LHFPL6: variants seen among roughly 807,000 people sequenced by gnomAD.
The protein encoded by LHFPL6 is LHFPL tetraspan subfamily member 6 protein.
A neutral mutation model predicts 20.6 loss-of-function variants in LHFPL6; 9 were observed. That is an observed-to-expected ratio of 0.44 (90% CI 0.26 to 0.76). LHFPL6 has a LOEUF of 0.76. Among genes scored for constraint, LHFPL6 ranks in the 30% least tolerant of loss-of-function variants. The pLI, the probability that LHFPL6 is intolerant of heterozygous loss-of-function variation, is 0.20. For missense variants in LHFPL6, 218 were observed against 253.5 expected (o/e 0.86, Z 0.95); for synonymous variants, 105 against 98.7 (o/e 1.06, Z -0.38).
chr13:39,465,415 C>A lies in LHFPL6; in HGVS notation c.386-86889G>T, dbSNP rs80272767. 2.9e-3 allele frequency among the ~76,000 whole-genome samples: 441 copies of A among 152,276 alleles called. 4 individuals are homozygous for A. Among genetic ancestry groups the A allele is most frequent in the Non-Finnish European group, 4.4e-3 (296 of 68,018 alleles). On this transcript the variant is annotated intron_variant, in intron 2 of 3. Coordinates refer to ENST00000379589, the MANE Select transcript of LHFPL6 (RefSeq NM_005780.3). ...CTGTCTCTGTGACCTCCAAATAACTCATTCCCCTAATTTAGGAACTACTTT... is the reference window on the plus strand; with the variant it reads ...CTGTCTCTGTGACCTCCAAATAACTAATTCCCCTAATTTAGGAACTACTTT...
intron 2 of LHFPL6, among the ~76,000 whole-genome samples, chr13:39,425,330 G>C (rs1871610359): frequency 6.6e-6 from 1 of 152,160 alleles, no homozygotes; most frequent in South Asian, 2.1e-4. Context: ...TAATGTCTGT[G>C]TTCTTTCCAG....
In LHFPL6 at chr13:39,343,753, C is replaced by T. The variant is rs1063655; in HGVS notation, c.*183G>A. ...ATCATTCTATACTCTCCTTTTTTTT[C>T]CCCCACAAATCTCCTACAATCCTTC... is the stretch of plus-strand genomic sequence containing the variant. On this transcript the variant is annotated 3_prime_UTR_variant, in exon 4 of 4. Transcript: ENST00000379589. 5.4e-6 allele frequency: 3 copies of T among 551,510 alleles called. No homozygotes were observed. Among genetic ancestry groups the T allele is most frequent in the Non-Finnish European group, 3.2e-6 (1 of 310,890 alleles). The allele number at this position is 551,510 out of a possible 1,614,324, so 34.2% of individuals were successfully genotyped here.
intron 2 of LHFPL6, among the ~76,000 whole-genome samples, chr13:39,594,081 A>G (rs1485671613): frequency 6.6e-6 from 1 of 152,228 alleles, no homozygotes; most frequent in African/African-American, 2.4e-5. Context: ...CTAAAACACC[A>G]AAAGCAATGG....
At chr13:39,426,368 G>A (rs775112370) in intron 2 of LHFPL6, among the ~76,000 whole-genome samples, 14 of 151,906 alleles carry the variant, frequency 9.2e-5, no homozygotes, top group Non-Finnish European at 2.1e-4. Context: ...TTACAGGCAT[G>A]TGCCACCACG....
At chr13:39,517,198 A>T (rs1039668683) in intron 2 of LHFPL6, among the ~76,000 whole-genome samples, 1 of 152,234 alleles carries the variant, frequency 6.6e-6, no homozygotes, top group Non-Finnish European at 1.5e-5. Flanking sequence ...TTAGTTCCTG[A>T]GTACCCAAGA....
At chr13:39,562,423 C>CATATATACATATATACAT (rs1871527082) in intron 2 of LHFPL6, among the ~76,000 whole-genome samples, 2 of 48,438 alleles carry the variant, frequency 4.1e-5, no homozygotes, top group African/African-American at 1.0e-4. Flanking sequence ...TACACATATA[C>CATATATACATATATACAT]ATATATACAT....
chr13:39,346,957 C>G (rs1479779935), intron 3 of LHFPL6, among the ~76,000 whole-genome samples: 1 of 151,794 alleles, frequency 6.6e-6, no homozygotes, highest in African/African-American at 2.4e-5. Flanking sequence ...ATCAAGCACA[C>G]AGAGCAAATT....
At chr13:39,514,500 T>C (rs2138478657) in intron 2 of LHFPL6, among the ~76,000 whole-genome samples, 1 of 152,308 alleles carries the variant, frequency 6.6e-6, no homozygotes, top group African/African-American at 2.4e-5. Context: ...AAGCAGCTTA[T>C]CATTCTGATC....
At chr13:39,408,145 A>T (rs772203365) in intron 2 of LHFPL6, among the ~76,000 whole-genome samples, 1 of 152,222 alleles carries the variant, frequency 6.6e-6, no homozygotes, top group Admixed American at 6.5e-5. Flanking sequence ...GCATTCCCCA[A>T]AGTGTCAAAA....
intron 2 of LHFPL6, among the ~76,000 whole-genome samples, chr13:39,536,933 T>G (rs866837077): frequency 2.2e-4 from 34 of 152,338 alleles, no homozygotes; most frequent in Middle Eastern, 6.8e-3. Context: ...CTGTCTCCTC[T>G]CTGTACCTAT....
At chr13:39,482,661 T>G (rs1274747737) in intron 2 of LHFPL6, among the ~76,000 whole-genome samples, 1 of 152,160 alleles carries the variant, frequency 6.6e-6, no homozygotes, top group Non-Finnish European at 1.5e-5. Flanking sequence ...TTGGCAAAAC[T>G]GAGGTCATAG....
At chr13:39,403,087 G>T (rs566895828) in intron 2 of LHFPL6, among the ~76,000 whole-genome samples, 125 of 152,340 alleles carry the variant, frequency 8.2e-4, no homozygotes, top group South Asian at 2.1e-3. Context: ...TTTAATACTT[G>T]TATCAGAAGT....
intron 2 of LHFPL6, among the ~76,000 whole-genome samples, chr13:39,414,114 T>C (rs1472456706): frequency 2.0e-5 from 3 of 152,208 alleles, no homozygotes; most frequent in Non-Finnish European, 4.4e-5. Flanking sequence ...AAAAAATAAT[T>C]CTGGGAACAT....
At chr13:39,427,999 G>T (rs1326651807) in intron 2 of LHFPL6, among the ~76,000 whole-genome samples, 1 of 152,216 alleles carries the variant, frequency 6.6e-6, no homozygotes, top group African/African-American at 2.4e-5. Context: ...AGCCATGATT[G>T]TAAGTTTCCT....
chr13:39,442,118 C>T (rs1236783145), intron 2 of LHFPL6, among the ~76,000 whole-genome samples: 3 of 152,026 alleles, frequency 2.0e-5, no homozygotes, highest in Non-Finnish European at 4.4e-5. Flanking sequence ...CATGAGCCAC[C>T]GCCCCCAGCT....
chr13:39,508,003 T>C (rs923824865), intron 2 of LHFPL6, among the ~76,000 whole-genome samples: 1 of 150,370 alleles, frequency 6.7e-6, no homozygotes, highest in African/African-American at 2.4e-5. Context: ...TTCTTTTTAA[T>C]AGTGTTATTA....
intron 2 of LHFPL6, among the ~76,000 whole-genome samples, chr13:39,386,728 G>A (rs899460423): frequency 4.6e-5 from 7 of 152,224 alleles, no homozygotes; most frequent in African/African-American, 1.4e-4. Context: ...GAGCCTGCAA[G>A]TGGCTGGCTG....
intron 1 of LHFPL6, among the ~76,000 whole-genome samples, chr13:39,601,875 C>T (rs1449901164): frequency 6.6e-6 from 1 of 152,194 alleles, no homozygotes; most frequent in African/African-American, 2.4e-5. Context: ...TAATTTTTCA[C>T]AATTGCAGAG....
chr13:39,582,374 G>A (rs1483427394), intron 2 of LHFPL6, among the ~76,000 whole-genome samples: 1 of 152,178 alleles, frequency 6.6e-6, no homozygotes, highest in Non-Finnish European at 1.5e-5. Context: ...GTGAATTGTA[G>A]TCCAGTGAGA....
Sources: allele counts gnomAD v4.1 joint callset (sites outside exome capture counted in the v4.1 genomes callset), GRCh38; gene constraint gnomAD v4.1.1; transcripts MANE v1.5; gene names NCBI Gene and HGNC (gene_info 2026-07-23, HGNC 2026-07-21).